Variants in SOBP observed in about 807,000 individuals in gnomAD.
The protein encoded by SOBP is sine oculis binding protein homolog.
In SOBP, 4 loss-of-function variants were observed where a neutral mutation model predicts 53.6. That is an observed-to-expected ratio of 0.07 (90% CI 0.04 to 0.17). The LOEUF (loss-of-function observed/expected upper bound fraction) is 0.17, where lower values mean the gene tolerates loss of function less well. Among genes scored for constraint, SOBP ranks in the 10% least tolerant of loss-of-function variants. The pLI is 1.00. For missense variants in SOBP, 1,088 were observed against 1,204.7 expected (o/e 0.90, Z 1.43); for synonymous variants, 584 against 522.6 (o/e 1.12, Z -1.60).
rs926728755 is a variant in SOBP, at chr6:107,634,601, A to T, written c.1757A>T (p.Asp586Val). ...KPSGHSLSPR[D>V]SKQGSSKSAD... ...AGCGGACACTCCCTGTCCCCCCGGG[A>T]CTCCAAGCAGGGCTCGTCCAAGTCC... is the stretch of plus-strand genomic sequence containing the variant. Residue 586 changes from aspartate to valine, a missense_variant, in exon 6 of 7, where the codon GAC becomes GTC. Coordinates refer to ENST00000317357, the MANE Select transcript of SOBP (RefSeq NM_018013.4). The surrounding 1 kb of genome is among the most constrained non-coding windows in gnomAD (Gnocchi z 4.5). 5 of 1,598,678 alleles carry T rather than the reference A, an allele frequency of 3.1e-6. No individual in the cohort carries two copies. The African/African-American group carries it at 6.8e-5, about 22-fold the overall frequency.
At chr6:107,609,185 A>G (rs1412730502) in intron 5 of SOBP, among the ~76,000 whole-genome samples, 1 of 152,230 alleles carries the variant, frequency 6.6e-6, no homozygotes, top group Non-Finnish European at 1.5e-5. Flanking sequence ...TAAATTGTAT[A>G]GATGTACTAT....
chr6:107,655,216 A>C (rs749281870), intron 6 of SOBP, among the ~76,000 whole-genome samples: 6 of 152,112 alleles, frequency 3.9e-5, no homozygotes, highest in Non-Finnish European at 8.8e-5. Flanking sequence ...CTTTCTAAAA[A>C]TCCAAACTTA....
chr6:107,658,937 G>T lies in SOBP; in HGVS notation c.*734G>T, dbSNP rs1772183930. The stretch of plus-strand genomic sequence containing the variant: ...AGCAGCATGAATAGTTTATACTGTG[G>T]TTTTTCAGAGACTGAATGCCAAGAG... On this transcript the variant is annotated 3_prime_UTR_variant, in exon 7 of 7. Transcript: ENST00000317357. The T allele has an allele frequency of 6.6e-6, 1 of 152,596 alleles. No homozygotes were observed. Among genetic ancestry groups the T allele is most frequent in the Non-Finnish European group, 1.5e-5 (1 of 68,010 alleles). The allele number at this position is 152,596 out of a possible 1,614,324, so 9.5% of individuals were successfully genotyped here.
At position 107,529,731 on chromosome 6, in the gene SOBP, C is replaced by T. The variant is rs115707003; in HGVS notation, c.422-3728C>T. ...AATTTCTCAAACAACTTCAGCAGGG[C>T]ATTCCAGAAATGCTTGATCTCATAC... On this transcript the variant is annotated intron_variant, in intron 3 of 6. Coordinates refer to ENST00000317357, the MANE Select transcript of SOBP (RefSeq NM_018013.4). 364 of 457,702 alleles carry T rather than the reference C, an allele frequency of 8.0e-4. 1 individual carries two copies. Among genetic ancestry groups the T allele is most frequent in the African/African-American group, 7.2e-3 (339 of 47,186 alleles). The allele number at this position is 457,702 out of a possible 1,614,324, so 28.4% of individuals were successfully genotyped here. A position where few individuals can be genotyped will look rare whatever the true frequency, so the allele number is the denominator to read the frequency against.
chr6:107,638,936 T>C (rs1771187377), intron 6 of SOBP, among the ~76,000 whole-genome samples: 1 of 152,204 alleles, frequency 6.6e-6, no homozygotes. Flanking sequence ...ACAGTCTTGG[T>C]CTGTTGCCCA....
chr6:107,634,544 C>G lies in SOBP; in HGVS notation c.1700C>G (p.Pro567Arg). ...SNGENFIPNA[P>R]GDSAAAGGKP... ...GGGGAGAACTTCATTCCGAACGCCC[C>G]TGGCGACTCCGCGGCGGCGGGCGGC... is the stretch of plus-strand genomic sequence containing the variant. Residue 567 changes from proline (P) to arginine (R), a missense_variant, in exon 6 of 7, where the codon CCT becomes CGT. Coordinates refer to ENST00000317357, the MANE Select transcript of SOBP (RefSeq NM_018013.4). The surrounding 1 kb of genome is among the most constrained non-coding windows in gnomAD (Gnocchi z 4.5). The G allele has an allele frequency of 1.2e-6, 2 of 1,609,416 alleles. No individual in the cohort carries two copies. Among genetic ancestry groups the G allele is most frequent in the Non-Finnish European group, 1.7e-6 (2 of 1,179,848 alleles).
At chr6:107,495,897 T>A (rs1461888402) in intron 1 of SOBP, among the ~76,000 whole-genome samples, 2 of 152,058 alleles carry the variant, frequency 1.3e-5, no homozygotes, top group Non-Finnish European at 1.5e-5. Context: ...AACTTCCTCT[T>A]GTGGAATGGG....
chr6:107,555,322 T>C (rs1038062850), intron 4 of SOBP, among the ~76,000 whole-genome samples: 6 of 152,206 alleles, frequency 3.9e-5, no homozygotes, highest in African/African-American at 1.4e-4. Flanking sequence ...AAGAGTCGCC[T>C]TAATTCTCCT....
intron 3 of SOBP, among the ~76,000 whole-genome samples, 188 bp from the exon 4 acceptor site, chr6:107,533,271 C>CAAAAAAA (rs762864049): frequency 9.1e-5 from 3 of 32,808 alleles, no homozygotes; most frequent in Admixed American, 3.9e-4. Context: ...ACTTAGGAGC[C>CAAAAAAA]AAAAAAAAAA....
chr6:107,544,772 T>A (rs930744721), intron 4 of SOBP, among the ~76,000 whole-genome samples: 10 of 152,046 alleles, frequency 6.6e-5, no homozygotes, highest in African/African-American at 2.4e-4. Context: ...AAATATTCCC[T>A]GGAATGATAA....
At chr6:107,525,449 T>C (rs1056287230) in intron 3 of SOBP, among the ~76,000 whole-genome samples, 1 of 152,226 alleles carries the variant, frequency 6.6e-6, no homozygotes, top group Non-Finnish European at 1.5e-5. Context: ...TCCTTCTTCA[T>C]TGGAGTACGG....
chr6:107,573,322 TAGTG>T (rs1276871429), intron 4 of SOBP, among the ~76,000 whole-genome samples: 3 of 152,120 alleles, frequency 2.0e-5, no homozygotes, highest in East Asian at 1.9e-4. Context: ...TAAGAAAAGA[TAGTG>T]AGTCCCTATT....
At chr6:107,540,164 T>G (rs1007108140) in intron 4 of SOBP, among the ~76,000 whole-genome samples, 1 of 152,264 alleles carries the variant, frequency 6.6e-6, no homozygotes, top group African/African-American at 2.4e-5. Context: ...GAATTTTTCT[T>G]GTACACCTTT....
intron 4 of SOBP, among the ~76,000 whole-genome samples, chr6:107,556,490 G>C (rs1322860507): frequency 6.6e-6 from 1 of 152,338 alleles, no homozygotes; most frequent in East Asian, 1.9e-4. Context: ...AGACCCATCT[G>C]ATCCATCACA....
intron 4 of SOBP, among the ~76,000 whole-genome samples, chr6:107,575,964 G>C (rs1402441908): frequency 6.6e-6 from 1 of 152,196 alleles, no homozygotes; most frequent in African/African-American, 2.4e-5. Context: ...AGACTCCAGA[G>C]AGTGTCGTTG....
chr6:107,593,216 C>T (rs142191827), intron 5 of SOBP, among the ~76,000 whole-genome samples: 3 of 152,310 alleles, frequency 2.0e-5, no homozygotes, highest in East Asian at 3.9e-4. Flanking sequence ...CTCTATTTTA[C>T]CTCTCTTTGT....
At chr6:107,491,863 T>G (rs1782589745) in intron 1 of SOBP, among the ~76,000 whole-genome samples, 1 of 152,200 alleles carries the variant, frequency 6.6e-6, no homozygotes, top group African/African-American at 2.4e-5. Context: ...AAGTCAAATT[T>G]ATTGCGCTTT....
intron 4 of SOBP, among the ~76,000 whole-genome samples, chr6:107,585,727 A>T (rs1785544741): frequency 6.6e-6 from 1 of 152,206 alleles, no homozygotes; most frequent in Non-Finnish European, 1.5e-5. Context: ...ATGACATTGC[A>T]CTTCCAAGTT....
At chr6:107,575,457 T>A (rs1692941365) in intron 4 of SOBP, among the ~76,000 whole-genome samples, 1 of 152,154 alleles carries the variant, frequency 6.6e-6, no homozygotes, top group African/African-American at 2.4e-5. Context: ...CAGTCATCTC[T>A]GAGATGCCAT....
Sources: allele counts gnomAD v4.1 joint callset (sites outside exome capture counted in the v4.1 genomes callset), GRCh38; gene constraint gnomAD v4.1.1; non-coding constraint Gnocchi (gnomAD v3.1); transcripts MANE v1.5; gene names NCBI Gene and HGNC (gene_info 2026-07-23, HGNC 2026-07-21).